ARHGAP25: variants seen among roughly 807,000 people sequenced by gnomAD.
ARHGAP25 encodes the protein Rho GTPase activating protein 25.
Under a neutral mutation model 71.0 loss-of-function variants are expected in ARHGAP25, and 34 were observed. That is an observed-to-expected ratio of 0.48 (90% CI 0.36 to 0.64). ARHGAP25 has a LOEUF of 0.64. Among genes scored for constraint, ARHGAP25 ranks in the 30% least tolerant of loss-of-function variants. ARHGAP25 has a pLI of 0.00. For synonymous variants in ARHGAP25, 282 were observed against 296.5 expected (o/e 0.95, Z 0.50); for missense variants, 706 against 805.1 (o/e 0.88, Z 1.49).
intron 1 of ARHGAP25, among the ~76,000 whole-genome samples, chr2:68,765,403 G>A (rs539488816): frequency 1.3e-5 from 2 of 148,588 alleles, no homozygotes; most frequent in East Asian, 3.9e-4. Flanking sequence ...TTATTTTTAA[G>A]CCTAATAAAA....
chr2:68,765,808 C>T (rs1238234880), intron 1 of ARHGAP25, among the ~76,000 whole-genome samples: 1 of 152,216 alleles, frequency 6.6e-6, no homozygotes, highest in Non-Finnish European at 1.5e-5. Context: ...GCCCACCCCA[C>T]TGCTAGCATT....
chr2:68,762,119 A>G (rs1181295459), intron 1 of ARHGAP25, among the ~76,000 whole-genome samples: 1 of 152,240 alleles, frequency 6.6e-6, no homozygotes, highest in Non-Finnish European at 1.5e-5. Context: ...GCTAAGTGAA[A>G]TAAGCTGCTT....
In ARHGAP25 at chr2:68,797,411, A is replaced by G. The variant is rs143369872; in HGVS notation, c.466+9455A>G. Among the ~76,000 whole-genome samples, 441 of 152,268 alleles carry G rather than the reference A, an allele frequency of 2.9e-3. 3 individuals are homozygous for G. The highest frequency in any genetic ancestry group is 0.01 in the African/African-American group (426 of 41,546). On this transcript the variant is annotated intron_variant, in intron 4 of 10. Transcript: ENST00000409202. ...TCCTCCATCCTGGCTATGGCAGCCA[A>G]CTTGGCCACCCAGTCAGTCCTGGCA...
chr2:68,789,323 C>G (rs1451903975), intron 4 of ARHGAP25, among the ~76,000 whole-genome samples: 2 of 152,196 alleles, frequency 1.3e-5, no homozygotes, highest in African/African-American at 4.8e-5. Flanking sequence ...CAGGCGTGAG[C>G]CACCGTGCCC....
chr2:68,822,888 G>C lies in ARHGAP25; in HGVS notation c.1733+16G>C, dbSNP rs1174639766. 2 of 1,589,350 alleles carry C rather than the reference G, an allele frequency of 1.3e-6. No individual in the cohort carries two copies. Among genetic ancestry groups the C allele is most frequent in the Non-Finnish European group, 1.7e-6 (2 of 1,170,366 alleles). On this transcript the variant is annotated intron_variant, in intron 10 of 10. Transcript: ENST00000409202. ...AGATTAAAAAGTAAGTCAGACAGAG[G>C]GGCACTGAGAGGCACTTGGCTTCCA... is the stretch of plus-strand genomic sequence containing the variant.
At chr2:68,813,227 G>A in intron 5 of ARHGAP25, 60 bp from the exon 6 acceptor site, 2 of 1,542,368 alleles carry the variant, frequency 1.3e-6, no homozygotes, top group Non-Finnish European at 1.7e-6. Context: ...ATGGAAGAGA[G>A]GAACATCCTA....
intron 5 of ARHGAP25, among the ~76,000 whole-genome samples, chr2:68,812,966 A>G (rs1002470919): frequency 6.6e-6 from 1 of 152,236 alleles, no homozygotes; most frequent in African/African-American, 2.4e-5. Flanking sequence ...GCTAATTGTG[A>G]GGCACTAAAT....
In ARHGAP25 at chr2:68,822,726, A is replaced by AG; in HGVS notation, c.1588dup (p.Asp530GlyfsTer9). On this transcript the variant is annotated frameshift_variant, in exon 10 of 11. Transcript: ENST00000409202. LOFTEE classifies it high-confidence loss of function. ...CTTCCCAAGCCTGTGACTCCAAGGG[A>AG]GATACTCTTGCCAGTCCAAACTCTG... 1 of 1,614,180 alleles carries AG rather than the reference A, an allele frequency of 6.2e-7. No individual in the cohort carries two copies. The highest frequency in any genetic ancestry group is 8.5e-7 in the Non-Finnish European group (1 of 1,180,042).
chr2:68,716,627 T>C (rs1674613886), intron 2 of ARHGAP25, among the ~76,000 whole-genome samples: 1 of 152,206 alleles, frequency 6.6e-6, no homozygotes, highest in Non-Finnish European at 1.5e-5. Flanking sequence ...AAACTGAAAT[T>C]TCAGTTGTCC....
At chr2:68,761,377 A>T (rs1422935973) in intron 1 of ARHGAP25, among the ~76,000 whole-genome samples, 2 of 152,106 alleles carry the variant, frequency 1.3e-5, no homozygotes, top group African/African-American at 2.4e-5. Context: ...CAGAAGAAAA[A>T]ATAGTCAAAT....
chr2:68,796,938 G>A (rs894392480), intron 4 of ARHGAP25, among the ~76,000 whole-genome samples: 12 of 152,186 alleles, frequency 7.9e-5, no homozygotes, highest in African/African-American at 1.7e-4. Flanking sequence ...TGTGTTAGCC[G>A]TTGTTTCAAG....
chr2:68,719,485 G>A (rs1488413866), intron 2 of ARHGAP25, among the ~76,000 whole-genome samples: 3 of 149,816 alleles, frequency 2.0e-5, no homozygotes, highest in Admixed American at 6.6e-5. Context: ...TAAGAACAAC[G>A]CCCACATTTT....
At chr2:68,815,030 C>T (rs1231906052) in intron 6 of ARHGAP25, among the ~76,000 whole-genome samples, 1 of 152,172 alleles carries the variant, frequency 6.6e-6, no homozygotes, top group African/African-American at 2.4e-5. Flanking sequence ...GCATCTCACC[C>T]CTGGGTTCTG....
chr2:68,805,442 C>T (rs1035962295), intron 4 of ARHGAP25, among the ~76,000 whole-genome samples: 1 of 152,260 alleles, frequency 6.6e-6, no homozygotes, highest in Non-Finnish European at 1.5e-5. Context: ...TCCACACTCT[C>T]ACCTCCCAAC....
intron 1 of ARHGAP25, among the ~76,000 whole-genome samples, chr2:68,746,014 C>T (rs1675790220): frequency 6.6e-6 from 1 of 152,178 alleles, no homozygotes; most frequent in Non-Finnish European, 1.5e-5. Flanking sequence ...CTGTCATGAC[C>T]TAATCACCTC....
At position 68,822,467 on chromosome 2, in the gene ARHGAP25, C is replaced by G; in HGVS notation, c.1328C>G (p.Thr443Arg). ...ATGCAATCTCGTAAAAGGACTCAAA[C>G]ACTCCCTAACCGGAAATGTTTCTTG... ...WKMQSRKRTQ[T>R]LPNRKCFLTS... The change falls in exon 10 of 11, where the codon ACA (threonine) becomes AGA (arginine). Residue 443 changes from threonine (T) to arginine (R), a missense_variant. Thr to Arg is a moderately conservative substitution (Grantham distance 71, BLOSUM62 -1). Transcript: ENST00000409202. 1 of 1,614,244 alleles carries G rather than the reference C, an allele frequency of 6.2e-7. No individual in the cohort carries two copies. The highest frequency in any genetic ancestry group is 8.5e-7 in the Non-Finnish European group (1 of 1,180,046).
At chr2:68,753,047 T>C (rs567758540) in intron 1 of ARHGAP25, among the ~76,000 whole-genome samples, 18 of 151,004 alleles carry the variant, frequency 1.2e-4, no homozygotes, top group Admixed American at 2.0e-4. Flanking sequence ...AAAATACCTC[T>C]AGACATAGCA....
At chr2:68,798,205 T>G (rs1279453359) in intron 4 of ARHGAP25, among the ~76,000 whole-genome samples, 1 of 152,222 alleles carries the variant, frequency 6.6e-6, no homozygotes, top group Non-Finnish European at 1.5e-5. Flanking sequence ...TTTTCTCCTT[T>G]CATTCTTTTA....
At chr2:68,813,561 A>G (rs1680988369) in intron 6 of ARHGAP25, 142 bp downstream of exon 6, 3 of 892,534 alleles carry the variant, frequency 3.4e-6, no homozygotes, top group Non-Finnish European at 4.9e-6. Context: ...AACAAAAGGT[A>G]TATGAACTCA....
Sources: allele counts gnomAD v4.1 joint callset (sites outside exome capture counted in the v4.1 genomes callset), GRCh38; gene constraint gnomAD v4.1.1; transcripts MANE v1.5; gene names NCBI Gene and HGNC (gene_info 2026-07-23, HGNC 2026-07-21).